KCNK12: variants seen among roughly 807,000 people sequenced by gnomAD.
KCNK12 encodes potassium two pore domain channel subfamily K member 12.
KCNK12 carries 6 observed loss-of-function variants against 25.3 expected under a neutral mutation model. The ratio of observed to expected loss-of-function variants is 0.24; its 90% CI spans 0.13 to 0.47. The LOEUF is 0.47. Among genes scored for constraint, KCNK12 ranks in the 20% least tolerant of loss-of-function variants. The probability of loss-of-function intolerance (pLI) is 0.99; values close to 1 mark genes in which losing one functional copy is unlikely to be tolerated. For missense variants in KCNK12, 444 were observed against 661.7 expected, an observed-to-expected ratio of 0.67 and a Z score of 3.61; for synonymous variants, 331 against 311.1, an observed-to-expected ratio of 1.06 and a Z score of -0.67.
At chr2:47,552,617 A>C (rs1267429133) in intron 1 of KCNK12, among the ~76,000 whole-genome samples, 3 of 151,930 alleles carry the variant, frequency 2.0e-5, no homozygotes, top group Non-Finnish European at 4.4e-5. Flanking sequence ...AAAATACAAA[A>C]ATTAGCTGGG....
chr2:47,521,848 C>G, intron 1 of KCNK12, 40 bp from the exon 2 acceptor site: 1 of 1,423,806 alleles, frequency 7.0e-7, no homozygotes, highest in Non-Finnish European at 9.2e-7. Flanking sequence ...CCTGGCCGCG[C>G]AGGTGGTCCT....
At chr2:47,559,711 T>G (rs566941244) in intron 1 of KCNK12, among the ~76,000 whole-genome samples, 1 of 152,330 alleles carries the variant, frequency 6.6e-6, no homozygotes, top group East Asian at 1.9e-4. Context: ...TAGACACATC[T>G]TAACCCACTG....
chr2:47,569,916 G>C lies in KCNK12; in HGVS notation c.391+25C>G, dbSNP rs1196605131. ...GCAGGTGAAAGGCACAGAGAGGAAA[G>C]ATGCGCGGGGGACGCGCCGCTCACC... On this transcript the variant is annotated intron_variant, in intron 1 of 1. Coordinates refer to ENST00000327876, the MANE Select transcript of KCNK12 (RefSeq NM_022055.2). The surrounding 1 kb of genome is among the most constrained non-coding windows in gnomAD (Gnocchi z 4.1). 3.0e-6 allele frequency: 4 copies of C among 1,332,948 alleles called. No homozygotes were observed. The African/African-American group carries it at 4.6e-5, about 15-fold the overall frequency. The allele number at this position is 1,332,948 out of a possible 1,614,324, so 82.6% of individuals were successfully genotyped here.
In KCNK12 at chr2:47,569,438, G is replaced by A. The variant is rs1297183535; in HGVS notation, c.391+503C>T. On this transcript the variant is annotated intron_variant, in intron 1 of 1. Coordinates refer to ENST00000327876, the MANE Select transcript of KCNK12 (RefSeq NM_022055.2). The surrounding 1 kb of genome is among the most constrained non-coding windows in gnomAD (Gnocchi z 4.1). Reference sequence around the variant, plus strand: ...GAGATGTAGGGAAAGTGATCCTGGGGCAAGTGGTCACCCTCTCCAGGGTAA... The same window carrying A: ...GAGATGTAGGGAAAGTGATCCTGGGACAAGTGGTCACCCTCTCCAGGGTAA... Among the ~76,000 whole-genome samples the A allele has an allele frequency of 6.6e-6, 1 of 151,682 alleles. No homozygotes were observed. Among genetic ancestry groups the A allele is most frequent in the Non-Finnish European group, 1.5e-5 (1 of 67,854 alleles).
Position 47,535,672 on chromosome 2 carries a change from G to A in KCNK12, c.392-13864C>T, listed in dbSNP as rs115415638. Among the ~76,000 whole-genome samples the A allele has an allele frequency of 4.4e-3, 664 of 152,224 alleles. 4 individuals carry two copies. Among genetic ancestry groups the A allele is most frequent in the African/African-American group, 0.015 (633 of 41,528 alleles). On this transcript the variant is annotated intron_variant, in intron 1 of 1. Coordinates refer to ENST00000327876, the MANE Select transcript of KCNK12 (RefSeq NM_022055.2). ...CTCCTGGGGGAGGTGTCATTATGCC[G>A]GTGAGGAAACCAAGGCTCAGAGAAG...
chr2:47,535,489 G>T (rs1009014248), intron 1 of KCNK12, among the ~76,000 whole-genome samples: 1 of 151,486 alleles, frequency 6.6e-6, no homozygotes, highest in African/African-American at 2.5e-5. Flanking sequence ...GGTGGGGCTG[G>T]AGCTAATGGC....
intron 1 of KCNK12, among the ~76,000 whole-genome samples, chr2:47,531,221 C>T (rs1391772625): frequency 6.6e-6 from 1 of 152,140 alleles, no homozygotes; most frequent in Non-Finnish European, 1.5e-5. Flanking sequence ...ACCTGTAATC[C>T]CAGCACTTTA....
chr2:47,535,437 T>TGCACCCCTCCTCTAATGGGGGC lies in KCNK12; in HGVS notation c.392-13651_392-13630dup, dbSNP rs572889812. ...ACTGGACTGCGGCTGAGGGGTAAGG[T>TGCACCCCTCCTCTAATGGGGGC]GCACCCCTCCTCTAATGGGGGCGCA... On this transcript the variant is annotated intron_variant, in intron 1 of 1. Coordinates refer to ENST00000327876, the MANE Select transcript of KCNK12 (RefSeq NM_022055.2). Among the ~76,000 whole-genome samples the TGCACCCCTCCTCTAATGGGGGC allele has an allele frequency of 2.7e-3, 404 of 151,916 alleles. 4 individuals carry two copies. Among genetic ancestry groups the TGCACCCCTCCTCTAATGGGGGC allele is most frequent in the African/African-American group, 8.6e-3 (354 of 41,336 alleles).
rs1669765708 is a variant in KCNK12, at chr2:47,565,183, G to C, written c.391+4758C>G. 1 of 151,990 alleles carries C rather than the reference G, an allele frequency of 6.6e-6. No homozygotes were observed. Among genetic ancestry groups the C allele is most frequent in the Non-Finnish European group, 1.5e-5 (1 of 68,002 alleles). The allele number at this position is 151,990 out of a possible 1,614,324, so 9.4% of individuals were successfully genotyped here. ...CTGTGTCTCTTTAAAAAAAAAAGTT[G>C]ATGAGAGAAATACGCAAGGAAGGAT... On this transcript the variant is annotated intron_variant, in intron 1 of 1. Transcript: ENST00000327876. This position sits in a 1 kb window ranked among gnomAD's most constrained non-coding sequence, Gnocchi z 5.0.
rs1333253314 is a variant in KCNK12 at position 47,513,143 on chromosome 2, C to T, written c.*7764G>A. On this transcript the variant is annotated 3_prime_UTR_variant, in exon 2 of 2. Coordinates refer to ENST00000327876, the MANE Select transcript of KCNK12 (RefSeq NM_022055.2). Reference sequence around the variant, plus strand: ...AGACATGAACTTTTACCAACGGAAGCCAGTATTATTTTGAACCTCTGTTAG... The same window carrying T: ...AGACATGAACTTTTACCAACGGAAGTCAGTATTATTTTGAACCTCTGTTAG... 1 of 152,208 alleles carries T rather than the reference C, an allele frequency of 6.6e-6. No individual in the cohort carries two copies. Among genetic ancestry groups the T allele is most frequent in the Admixed American group, 6.5e-5 (1 of 15,286 alleles). 9.4% of individuals were successfully genotyped at this position (152,208 alleles called of 1,614,324 possible). A position where few individuals can be genotyped will look rare whatever the true frequency, so the allele number is the denominator to read the frequency against.
rs1669687091 is a variant in KCNK12 at position 47,562,213 on chromosome 2, C to A, written c.391+7728G>T. ...GCAGATTCCCAGGTGGTTCCAGGCA[C>A]CTTACAGTTTGAAAAGCACTGCTGC... On this transcript the variant is annotated intron_variant, in intron 1 of 1. Coordinates refer to ENST00000327876, the MANE Select transcript of KCNK12 (RefSeq NM_022055.2). The surrounding 1 kb of genome is among the most constrained non-coding windows in gnomAD (Gnocchi z 4.8). 1.0e-5 allele frequency: 4 copies of A among 398,358 alleles called. No homozygotes were observed. The highest frequency in any genetic ancestry group is 2.1e-5 in the African/African-American group (1 of 48,626). 24.7% of individuals were successfully genotyped at this position (398,358 alleles called of 1,614,324 possible).
At chr2:47,539,846 C>T (rs1185188032) in intron 1 of KCNK12, among the ~76,000 whole-genome samples, 1 of 151,582 alleles carries the variant, frequency 6.6e-6, no homozygotes, top group Non-Finnish European at 1.5e-5. Flanking sequence ...CAGGACCATC[C>T]ACAGCTGAAG....
In KCNK12 at chr2:47,570,111, G is replaced by A; in HGVS notation, c.221C>T (p.Ala74Val). Residue 74 changes from alanine to valine, a missense_variant, in exon 1 of 2, where the codon GCC becomes GTC. Transcript: ENST00000327876. ...CGCAGCGCTGAAGTTGCGCAGCGTG[G>A]CGCCCCAGCGCGCCCGCGCCTCCGC... Reference protein sequence around the residue: ...GEAEARARWGATLRNFSAAHG... With the variant: ...GEAEARARWGVTLRNFSAAHG... The A allele has an allele frequency of 2.1e-6, 3 of 1,410,994 alleles. No individual in the cohort carries two copies. Among genetic ancestry groups the A allele is most frequent in the Non-Finnish European group, 1.8e-6 (2 of 1,083,684 alleles). The allele number at this position is 1,410,994 out of a possible 1,614,324, so 87.4% of individuals were successfully genotyped here.
chr2:47,553,226 T>C (rs1669476555), intron 1 of KCNK12, among the ~76,000 whole-genome samples: 1 of 152,220 alleles, frequency 6.6e-6, no homozygotes, highest in African/African-American at 2.4e-5. Flanking sequence ...CACCAGTAGC[T>C]ATAAAATAAA....
rs1205734472 is a variant in KCNK12, at chr2:47,569,192, A to G, written c.391+749T>C. Reference sequence around the variant, plus strand: ...AAAGAGAGAAGAGATGATGGAAAGAATAGGGGAACTATCCCTGCTCCCAGC... The same window carrying G: ...AAAGAGAGAAGAGATGATGGAAAGAGTAGGGGAACTATCCCTGCTCCCAGC... On this transcript the variant is annotated intron_variant, in intron 1 of 1. Transcript: ENST00000327876. This position sits in a 1 kb window ranked among gnomAD's most constrained non-coding sequence, Gnocchi z 4.1. 6.6e-6 allele frequency among the ~76,000 whole-genome samples: 1 copy of G among 152,192 alleles called. No individual in the cohort carries two copies. Among genetic ancestry groups the G allele is most frequent in the African/African-American group, 2.4e-5 (1 of 41,444 alleles).
chr2:47,563,734 T>C (rs1669732705), intron 1 of KCNK12: 2 of 233,038 alleles, frequency 8.6e-6, no homozygotes, highest in Middle Eastern at 1.3e-3. Flanking sequence ...TTGGCTTTTG[T>C]TGACAAAATG....
In KCNK12 at chr2:47,557,125, T is replaced by G. The variant is rs116009623; in HGVS notation, c.391+12816A>C. On this transcript the variant is annotated intron_variant, in intron 1 of 1. Transcript: ENST00000327876. The surrounding 1 kb of genome is among the most constrained non-coding windows in gnomAD (Gnocchi z 4.9). Reference sequence around the variant, plus strand: ...CCCAATGACAGAGCTTGCTATGGTTTGAATGTCTCCTCCAAAACTTACGTT... The same window carrying G: ...CCCAATGACAGAGCTTGCTATGGTTGGAATGTCTCCTCCAAAACTTACGTT... 6.9e-3 allele frequency among the ~76,000 whole-genome samples: 1,046 copies of G among 152,324 alleles called. 13 individuals carry two copies. The highest frequency in any genetic ancestry group is 0.024 in the African/African-American group (1,000 of 41,564).
In KCNK12 at chr2:47,569,928, A is replaced by G; in HGVS notation, c.391+13T>C. Reference sequence around the variant, plus strand: ...CACAGAGAGGAAAGATGCGCGGGGGACGCGCCGCTCACCTATGGTTGACAC... The same window carrying G: ...CACAGAGAGGAAAGATGCGCGGGGGGCGCGCCGCTCACCTATGGTTGACAC... On this transcript the variant is annotated intron_variant, in intron 1 of 1. Transcript: ENST00000327876. The surrounding 1 kb of genome is among the most constrained non-coding windows in gnomAD (Gnocchi z 4.1). 1.5e-6 allele frequency: 2 copies of G among 1,367,968 alleles called. No homozygotes were observed. The highest frequency in any genetic ancestry group is 1.9e-6 in the Non-Finnish European group (2 of 1,054,832). 84.7% of individuals were successfully genotyped at this position (1,367,968 alleles called of 1,614,324 possible).
At chr2:47,542,205 C>G (rs1319605159) in intron 1 of KCNK12, among the ~76,000 whole-genome samples, 1 of 152,212 alleles carries the variant, frequency 6.6e-6, no homozygotes, top group African/African-American at 2.4e-5. Flanking sequence ...TGTCGAGGCT[C>G]TCTCTGACGC....
Sources: allele counts gnomAD v4.1 joint callset (sites outside exome capture counted in the v4.1 genomes callset), GRCh38; gene constraint gnomAD v4.1.1; non-coding constraint Gnocchi (gnomAD v3.1); transcripts MANE v1.5; gene names NCBI Gene and HGNC (gene_info 2026-07-23, HGNC 2026-07-21).